BPHL: variants seen among roughly 807,000 people sequenced by gnomAD.
The protein encoded by BPHL is serine hydrolase BPHL.
A neutral mutation model predicts 31.2 loss-of-function variants in BPHL; 27 were observed. The observed-to-expected ratio is 0.87, with a 90% confidence interval of 0.64 to 1.19. The LOEUF is 1.19. Ranked by LOEUF, BPHL falls within the 50% of genes most tolerant of loss-of-function variation. The probability of loss-of-function intolerance (pLI) is 0.00; values close to 1 mark genes in which losing one functional copy is unlikely to be tolerated. For missense variants in BPHL, 356 were observed against 375.7 expected (o/e 0.95, Z 0.43); for synonymous variants, 150 against 146.8 (o/e 1.02, Z -0.16).
At chr6:3,123,620 C>T (rs750564997) in intron 1 of BPHL, 37 bp from the exon 2 acceptor site, 2 of 1,569,996 alleles carry the variant, frequency 1.3e-6, no homozygotes, top group African/African-American at 2.7e-5. Flanking sequence ...TCCCATCTCC[C>T]CTTTCCCCCT....
chr6:3,151,976 G>T lies in BPHL; in HGVS notation c.789-512G>T, dbSNP rs553478561. ...TTGTTCAGTAATCCAAAAATGGAAG[G>T]GTGATTTGGAACCTTGAGCAGCAGG... On this transcript the variant is annotated intron_variant, in intron 6 of 6. Coordinates refer to ENST00000380379, the MANE Select transcript of BPHL (RefSeq NM_004332.4). Among the ~76,000 whole-genome samples the T allele has an allele frequency of 4.6e-5, 7 of 152,312 alleles. No homozygotes were observed. The South Asian group carries it at 8.3e-4, about 18-fold the overall frequency.
intron 1 of BPHL, 77 bp downstream of exon 1, chr6:3,118,924 A>T (rs545921681): frequency 8.7e-7 from 1 of 1,151,256 alleles, no homozygotes; most frequent in Admixed American, 4.3e-5. Context: ...GCGTGCCGAC[A>T]GCAGGAGTTC....
chr6:3,153,047 A>T lies in BPHL; in HGVS notation c.*472A>T, dbSNP rs1762568113. ...TTGTCTTAAAAAAAAATAAAAACAT[A>T]AAAAAAAATAAAAAAGGAATAAAGC... On this transcript the variant is annotated 3_prime_UTR_variant, in exon 7 of 7. Transcript: ENST00000380379. 3.3e-5 allele frequency: 5 copies of T among 151,506 alleles called. No individual in the cohort carries two copies. Among genetic ancestry groups the T allele is most frequent in the Admixed American group, 3.3e-4 (5 of 15,180 alleles). The allele number at this position is 151,506 out of a possible 1,614,324, so 9.4% of individuals were successfully genotyped here.
chr6:3,140,636 A>T lies in BPHL; in HGVS notation c.788+127A>T. Reference sequence around the variant, plus strand: ...GCACAGCCCCCCTTTTGCCAATGCCAGTCAGTAGCACCGCTTTATTTAGGG... The same window carrying T: ...GCACAGCCCCCCTTTTGCCAATGCCTGTCAGTAGCACCGCTTTATTTAGGG... On this transcript the variant is annotated intron_variant, in intron 6 of 6. Coordinates refer to ENST00000380379, the MANE Select transcript of BPHL (RefSeq NM_004332.4). This position sits in a 1 kb window ranked among gnomAD's most constrained non-coding sequence, Gnocchi z 5.2. 1 of 1,394,518 alleles carries T rather than the reference A, an allele frequency of 7.2e-7. No homozygotes were observed. 86.4% of individuals were successfully genotyped at this position (1,394,518 alleles called of 1,614,324 possible).
At position 3,153,339 on chromosome 6, in the gene BPHL, G is replaced by A. The variant is rs1762574782; in HGVS notation, c.*764G>A. ...AGAAGTAGGGAGAGTCCGTGCCCGA[G>A]GTCCTCAATTCTAAGATCAGAGGAT... is the stretch of plus-strand genomic sequence containing the variant. On this transcript the variant is annotated 3_prime_UTR_variant, in exon 7 of 7. Transcript: ENST00000380379. 1 of 171,850 alleles carries A rather than the reference G, an allele frequency of 5.8e-6. No individual in the cohort carries two copies. Among genetic ancestry groups the A allele is most frequent in the Admixed American group, 5.4e-5 (1 of 18,498 alleles). 10.6% of individuals were successfully genotyped at this position (171,850 alleles called of 1,614,324 possible).
Position 3,149,787 on chromosome 6 carries a change from G to A in BPHL, c.789-2701G>A, listed in dbSNP as rs966146842. On this transcript the variant is annotated intron_variant, in intron 6 of 6. Transcript: ENST00000380379. The surrounding 1 kb of genome is among the most constrained non-coding windows in gnomAD (Gnocchi z 4.6). ...TGGGATTATAGGCGCGCATCACCAC[G>A]CCGGCTAATTTTTGTGTTTTTGGTA... Among the ~76,000 whole-genome samples the A allele has an allele frequency of 2.6e-5, 4 of 152,158 alleles. No homozygotes were observed. Among genetic ancestry groups the A allele is most frequent in the Admixed American group, 6.5e-5 (1 of 15,278 alleles).
chr6:3,132,727 G>A lies in BPHL; in HGVS notation c.532+3529G>A, dbSNP rs138730146. On this transcript the variant is annotated intron_variant, in intron 4 of 6. Coordinates refer to ENST00000380379, the MANE Select transcript of BPHL (RefSeq NM_004332.4). The stretch of plus-strand genomic sequence containing the variant: ...TGTGCCTGTAGTCCCAGCCATTTGG[G>A]AGGCTGAGGTGGAGGATCACCTGAG... Among the ~76,000 whole-genome samples the A allele has an allele frequency of 3.0e-3, 451 of 152,272 alleles. 1 individual carries two copies. Among genetic ancestry groups the A allele is most frequent in the African/African-American group, 0.01 (420 of 41,538 alleles).
At chr6:3,139,317 T>G (rs1762103091) in intron 5 of BPHL, 1 of 152,252 alleles carries the variant, frequency 6.6e-6, no homozygotes, top group Non-Finnish European at 1.5e-5. Context: ...GTAACTACTG[T>G]GTTTAACAGA....
At chr6:3,137,899 C>G in intron 5 of BPHL, 1 of 930,642 alleles carries the variant, frequency 1.1e-6, no homozygotes, top group South Asian at 1.4e-5. Flanking sequence ...AGATGTGTCT[C>G]CCCACGAGGA....
intron 4 of BPHL, among the ~76,000 whole-genome samples, chr6:3,131,997 G>A (rs1362513535): frequency 6.6e-6 from 1 of 152,186 alleles, no homozygotes; most frequent in African/African-American, 2.4e-5. Context: ...CCTTGCCTCG[G>A]TCACCGCAGT....
Position 3,138,225 on chromosome 6 carries a change from G to A in BPHL, c.664+732G>A, listed in dbSNP as rs146736068. ...AGTAGAGACAGGGTTTCACCATGTT[G>A]GCCAGGATGGCCTTGATCTCCTGAC... On this transcript the variant is annotated intron_variant, in intron 5 of 6. Transcript: ENST00000380379. The A allele has an allele frequency of 6.2e-3, 1,932 of 309,564 alleles. 28 individuals are homozygous for A. Among genetic ancestry groups the A allele is most frequent in the East Asian group, 0.054 (483 of 8,902 alleles). 19.2% of individuals were successfully genotyped at this position (309,564 alleles called of 1,614,324 possible). A position where few individuals can be genotyped will look rare whatever the true frequency, so the allele number is the denominator to read the frequency against.
At chr6:3,135,671 G>A (rs1761999573) in intron 4 of BPHL, among the ~76,000 whole-genome samples, 2 of 151,884 alleles carry the variant, frequency 1.3e-5, no homozygotes, top group South Asian at 2.1e-4. Context: ...CTTCTGCATC[G>A]TCGTGTCTCT....
chr6:3,119,991 G>T (rs1761514601), intron 1 of BPHL, among the ~76,000 whole-genome samples: 1 of 152,038 alleles, frequency 6.6e-6, no homozygotes, highest in African/African-American at 2.4e-5. Context: ...CCAGTTTCCT[G>T]TCTGCAGAAA....
At chr6:3,144,275 G>C (rs1484081386) in intron 6 of BPHL, among the ~76,000 whole-genome samples, 1 of 152,018 alleles carries the variant, frequency 6.6e-6, no homozygotes, top group Non-Finnish European at 1.5e-5. Flanking sequence ...CACGGCGTTA[G>C]CCAGGATGGT....
At chr6:3,144,131 G>A (rs919172292) in intron 6 of BPHL, among the ~76,000 whole-genome samples, 1 of 152,124 alleles carries the variant, frequency 6.6e-6, no homozygotes, top group Admixed American at 6.5e-5. Flanking sequence ...GCAGTGGCGC[G>A]ATCTTGGCTC....
rs1404244472 is a variant in BPHL, at chr6:3,140,788, G to A, written c.788+279G>A. On this transcript the variant is annotated intron_variant, in intron 6 of 6. Transcript: ENST00000380379. The surrounding 1 kb of genome is among the most constrained non-coding windows in gnomAD (Gnocchi z 5.2). Reference sequence around the variant, plus strand: ...CATAGGTGCTAAGCCCTGTCACTTGGTAATAGTTTAGATTTATTTCCATCA... The same window carrying A: ...CATAGGTGCTAAGCCCTGTCACTTGATAATAGTTTAGATTTATTTCCATCA... 6.6e-6 allele frequency among the ~76,000 whole-genome samples: 1 copy of A among 152,218 alleles called. No homozygotes were observed. The highest frequency in any genetic ancestry group is 1.5e-5 in the Non-Finnish European group (1 of 68,044).
At chr6:3,141,494 A>G (rs567701206) in intron 6 of BPHL, among the ~76,000 whole-genome samples, 4 of 152,288 alleles carry the variant, frequency 2.6e-5, no homozygotes, top group Admixed American at 2.0e-4. Context: ...CAGTCTCCCA[A>G]ATAGGTGGGA....
chr6:3,131,140 TC>T (rs1761857659), intron 4 of BPHL, among the ~76,000 whole-genome samples: 1 of 152,088 alleles, frequency 6.6e-6, no homozygotes, highest in Non-Finnish European at 1.5e-5. Flanking sequence ...ATCTTCCCAT[TC>T]TTTATTCTTT....
chr6:3,135,257 T>C lies in BPHL; in HGVS notation c.533-2105T>C, dbSNP rs144738697. Among the ~76,000 whole-genome samples the C allele has an allele frequency of 3.0e-3, 454 of 152,350 alleles. 4 individuals carry two copies. The highest frequency in any genetic ancestry group is 0.01 in the African/African-American group (422 of 41,574). On this transcript the variant is annotated intron_variant, in intron 4 of 6. Transcript: ENST00000380379. ...TTACCAACAAGTGTCTTTTCTTTCA[T>C]CCACCTTTTCTGTAAGTCTGTTTAG... is the stretch of plus-strand genomic sequence containing the variant.
Sources: allele counts gnomAD v4.1 joint callset (sites outside exome capture counted in the v4.1 genomes callset), GRCh38; gene constraint gnomAD v4.1.1; non-coding constraint Gnocchi (gnomAD v3.1); transcripts MANE v1.5; gene names NCBI Gene and HGNC (gene_info 2026-07-23, HGNC 2026-07-21).